The following HLA-DOB variants were observed in gnomAD, a reference collection of about 807,000 sequenced individuals.
HLA-DOB encodes the protein HLA class II histocompatibility antigen, DO beta chain.
A neutral mutation model predicts 27.7 loss-of-function variants in HLA-DOB; 25 were observed. The observed-to-expected ratio is 0.90, with a 90% CI of 0.66 to 1.26. The LOEUF (loss-of-function observed/expected upper bound fraction) is 1.26, where lower values mean the gene tolerates loss of function less well. Among genes scored for constraint, HLA-DOB ranks in the 50% most tolerant of loss-of-function variants. The pLI is 0.00. For missense variants in HLA-DOB, 306 were observed against 324.9 expected, an observed-to-expected ratio of 0.94 and a Z score of 0.45; for synonymous variants, 137 against 125.6, an observed-to-expected ratio of 1.09 and a Z score of -0.61.
At position 32,813,215 on chromosome 6, in the gene HLA-DOB, C is replaced by T. The variant is rs753244529; in HGVS notation, c.*1G>A. 1.2e-5 allele frequency: 20 copies of T among 1,612,814 alleles called. No homozygotes were observed. The highest frequency in any genetic ancestry group is 1.7e-5 in the Non-Finnish European group (20 of 1,179,922). ...CAGAGAGAGAAGCTTCAGTGAGGAC[C>T]TTAGCATGACTGAGGGAGCAGAACA... On this transcript the variant is annotated 3_prime_UTR_variant, in exon 6 of 6. Coordinates refer to ENST00000438763, the MANE Select transcript of HLA-DOB (RefSeq NM_002120.4).
chr6:32,813,726 T>C lies in HLA-DOB; in HGVS notation c.751A>G (p.Lys251Glu). The C allele has an allele frequency of 6.5e-7, 1 of 1,545,234 alleles. No individual in the cohort carries two copies. Among genetic ancestry groups the C allele is most frequent in the Non-Finnish European group, 8.8e-7 (1 of 1,139,058 alleles). ...GCACTCCTCACAGGCTCATTACCTTTCTGAGCCCTTAGCTGGATGACGATT... is the reference window on the plus strand; with the variant it reads ...GCACTCCTCACAGGCTCATTACCTTCCTGAGCCCTTAGCTGGATGACGATT... ...VGIVIQLRAQKGYVRTQMSGN... is the reference protein window; with the variant it reads ...VGIVIQLRAQEGYVRTQMSGN... Residue 251 changes from lysine to glutamate, a missense_variant, in exon 4 of 6, where the codon AAA (lysine) becomes GAA (glutamate). Lys to Glu is a moderately conservative substitution (Grantham distance 56, BLOSUM62 1). Transcript: ENST00000438763.
rs1004715638 is a variant in HLA-DOB at position 32,813,051 on chromosome 6, A to T, written c.*165T>A. 8 of 691,908 alleles carry T rather than the reference A, an allele frequency of 1.2e-5. No individual in the cohort carries two copies. Among genetic ancestry groups the T allele is most frequent in the Non-Finnish European group, 2.6e-6 (1 of 385,136 alleles). 42.9% of individuals were successfully genotyped at this position (691,908 alleles called of 1,614,324 possible). A position where few individuals can be genotyped will look rare whatever the true frequency, so the allele number is the denominator to read the frequency against. On this transcript the variant is annotated 3_prime_UTR_variant, in exon 6 of 6. Transcript: ENST00000438763. The stretch of plus-strand genomic sequence containing the variant: ...AGAAGGGCAGATGGGTGGGAGATGC[A>T]TGATCTCAGAACACAGAGCTCCAGA...
rs1394583957 is a variant in HLA-DOB, at chr6:32,813,629, T to C, written c.754+94A>G. ...TCCCGGTGATCCCTGAGAGGCACAA[T>C]CAGCTTTCCTTGCCTCAGATCATTG... On this transcript the variant is annotated intron_variant, in intron 4 of 5. Coordinates refer to ENST00000438763, the MANE Select transcript of HLA-DOB (RefSeq NM_002120.4). 3.4e-6 allele frequency: 4 copies of C among 1,175,832 alleles called. No homozygotes were observed. The Admixed American group carries it at 8.0e-5, about 23-fold the overall frequency. 72.8% of individuals were successfully genotyped at this position (1,175,832 alleles called of 1,614,324 possible). A position where few individuals can be genotyped will look rare whatever the true frequency, so the allele number is the denominator to read the frequency against.
intron 4 of HLA-DOB, 113 bp from the exon 5 acceptor site, chr6:32,813,584 C>T: frequency 7.6e-7 from 1 of 1,324,358 alleles, no homozygotes; most frequent in Non-Finnish European, 1.1e-6. Context: ...TATCCCATTT[C>T]TAGCTTCAGA....
chr6:32,816,478 C>G (rs1038304400), intron 1 of HLA-DOB, among the ~76,000 whole-genome samples: 9 of 152,160 alleles, frequency 5.9e-5, no homozygotes, highest in African/African-American at 1.4e-4. Context: ...GATTTGTTTC[C>G]GTGTCCTGAC....
chr6:32,813,614 C>T (rs1288694221), intron 4 of HLA-DOB, 109 bp downstream of exon 4: 5 of 1,176,370 alleles, frequency 4.3e-6, no homozygotes, highest in Non-Finnish European at 3.7e-6. Flanking sequence ...TCCCGGTGAT[C>T]CCTGAGAGGC....
Position 32,813,186 on chromosome 6 carries a change from G to T in HLA-DOB, c.*30C>A, listed in dbSNP as rs780158534. On this transcript the variant is annotated 3_prime_UTR_variant, in exon 6 of 6. Transcript: ENST00000438763. ...CCCAGACTACTCATCACTACTTCAG[G>T]CTCCAGAGAGAGAAGCTTCAGTGAG... The T allele has an allele frequency of 1.2e-6, 2 of 1,607,976 alleles. No individual in the cohort carries two copies. The highest frequency in any genetic ancestry group is 2.2e-5 in the South Asian group (2 of 90,990).
chr6:32,814,295 G>A, intron 3 of HLA-DOB, 25 bp downstream of exon 3: 1 of 1,609,194 alleles, frequency 6.2e-7, no homozygotes, highest in Non-Finnish European at 8.5e-7. Flanking sequence ...GTCAGGCCCA[G>A]AGAGTACTAG....
rs764720977 is a variant in HLA-DOB at position 32,815,152 on chromosome 6, C to T, written c.253G>A (p.Glu85Lys). Residue 85 changes from glutamate (E) to lysine (K), a missense_variant, in exon 2 of 6, where the codon GAG becomes AAG. Coordinates refer to ENST00000438763, the MANE Select transcript of HLA-DOB (RefSeq NM_002120.4). ...ALTKLGQPDA[E>K]QWNSRLDLLE... ...AGATCCAGCCGGCTGTTCCACTGCTCAGCATCTGGCTGCCCCAGCTTGGTC... is the reference window on the plus strand; with the variant it reads ...AGATCCAGCCGGCTGTTCCACTGCTTAGCATCTGGCTGCCCCAGCTTGGTC... 6.2e-7 allele frequency: 1 copy of T among 1,614,250 alleles called. No homozygotes were observed. Among genetic ancestry groups the T allele is most frequent in the South Asian group, 1.1e-5 (1 of 91,086 alleles).
chr6:32,816,956 G>C lies in HLA-DOB; in HGVS notation c.-5C>G, dbSNP rs1280848792. On this transcript the variant is annotated 5_prime_UTR_variant, in exon 1 of 6. Coordinates refer to ENST00000438763, the MANE Select transcript of HLA-DOB (RefSeq NM_002120.4). Reference sequence around the variant, plus strand: ...GGGGACCCACCCAGAACCCATTCTGGAGAAAGGAAAAAAATGAGATAGTAA... The same window carrying C: ...GGGGACCCACCCAGAACCCATTCTGCAGAAAGGAAAAAAATGAGATAGTAA... 6.2e-7 allele frequency: 1 copy of C among 1,609,318 alleles called. No homozygotes were observed. Among genetic ancestry groups the C allele is most frequent in the South Asian group, 1.1e-5 (1 of 90,814 alleles).
In HLA-DOB at chr6:32,814,729, A is replaced by T. The variant is rs561337301; in HGVS notation, c.362-128T>A. ...CCCAAGTGAACACAAAGTATAGGCA[A>T]GTCTCAGCCCCCAAGATCAGTAACA... On this transcript the variant is annotated intron_variant, in intron 2 of 5. Transcript: ENST00000438763. 21 of 889,130 alleles carry T rather than the reference A, an allele frequency of 2.4e-5. No individual in the cohort carries two copies. The African/African-American group carries it at 3.2e-4, about 13-fold the overall frequency. 55.1% of individuals were successfully genotyped at this position (889,130 alleles called of 1,614,324 possible).
At position 32,814,498 on chromosome 6, in the gene HLA-DOB, G is replaced by C; in HGVS notation, c.465C>G (p.Ile155Met). The change falls in exon 3 of 6, where the codon ATC becomes ATG. Residue 155 changes from isoleucine (I) to methionine (M), a missense_variant. Coordinates refer to ENST00000438763, the MANE Select transcript of HLA-DOB (RefSeq NM_002120.4). ...CCTCCTGCCCATTCAGGAACCACTTGATCTTGATATCCCCTGGATAGAAGC... is the reference window on the plus strand; with the variant it reads ...CCTCCTGCCCATTCAGGAACCACTTCATCTTGATATCCCCTGGATAGAAGC... ...VTGFYPGDIK[I>M]KWFLNGQEER... 1 of 1,613,028 alleles carries C rather than the reference G, an allele frequency of 6.2e-7. No homozygotes were observed.
At chr6:32,814,735 AG>A in intron 2 of HLA-DOB, 134 bp from the exon 3 acceptor site, 1 of 848,066 alleles carries the variant, frequency 1.2e-6, no homozygotes, top group Non-Finnish European at 1.9e-6. Context: ...GGCAAGTCTC[AG>A]CCCCCAAGAT....
chr6:32,814,547 T>G lies in HLA-DOB; in HGVS notation c.416A>C (p.Asn139Thr). ...GCCTGTCACAGAGCAGTGCAGCAGATTATGCTGGTGCAGGAGTGGGGTCCT... is the reference window on the plus strand; with the variant it reads ...GCCTGTCACAGAGCAGTGCAGCAGAGTATGCTGGTGCAGGAGTGGGGTCCT... Reference protein sequence around the residue: ...PERTPLLHQHNLLHCSVTGFY... With the variant: ...PERTPLLHQHTLLHCSVTGFY... Residue 139 changes from asparagine to threonine, a missense_variant, in exon 3 of 6, where the codon AAT becomes ACT. Physicochemically the swap from Asn to Thr is moderately conservative, Grantham distance 65. Transcript: ENST00000438763. The G allele has an allele frequency of 6.2e-7, 1 of 1,612,756 alleles. No individual in the cohort carries two copies.
At chr6:32,815,710 GAAC>G (rs1289921040) in intron 1 of HLA-DOB, among the ~76,000 whole-genome samples, 2 of 152,152 alleles carry the variant, frequency 1.3e-5, no homozygotes, top group Non-Finnish European at 2.9e-5. Context: ...ATGCACTTAA[GAAC>G]AACAACTACA....
At position 32,816,987 on chromosome 6, in the gene HLA-DOB, T is replaced by C; in HGVS notation, c.-36A>G. On this transcript the variant is annotated 5_prime_UTR_variant, in exon 1 of 6. Transcript: ENST00000438763. ...GGAAAAAAATGAGATAGTAAAATCG[T>C]CAGCCTCTTCAGAATGAGCTCATAA... 1.4e-6 allele frequency: 2 copies of C among 1,459,552 alleles called. No individual in the cohort carries two copies. The highest frequency in any genetic ancestry group is 1.9e-6 in the Non-Finnish European group (2 of 1,041,080). The allele number at this position is 1,459,552 out of a possible 1,614,324, so 90.4% of individuals were successfully genotyped here.
rs1197276495 is a variant in HLA-DOB, at chr6:32,816,975, A to G, written c.-24T>C. ...ATTCTGGAGAAAGGAAAAAAATGAG[A>G]TAGTAAAATCGTCAGCCTCTTCAGA... On this transcript the variant is annotated 5_prime_UTR_variant, in exon 1 of 6. Transcript: ENST00000438763. 1.0e-5 allele frequency: 16 copies of G among 1,558,446 alleles called. No homozygotes were observed. Among genetic ancestry groups the G allele is most frequent in the Non-Finnish European group, 1.4e-5 (16 of 1,130,678 alleles).
Position 32,813,929 on chromosome 6 carries a change from C to T in HLA-DOB, c.644-96G>A, listed in dbSNP as rs574164831. The T allele has an allele frequency of 5.1e-6, 4 of 779,982 alleles. No individual in the cohort carries two copies. The African/African-American group carries it at 7.0e-5, about 14-fold the overall frequency. 48.3% of individuals were successfully genotyped at this position (779,982 alleles called of 1,614,324 possible). A position where few individuals can be genotyped will look rare whatever the true frequency, so the allele number is the denominator to read the frequency against. ...TCTGTACTAGACACCAAATCCAATG[C>T]TAGCTAGAGAAAAATAAATAAATTT... On this transcript the variant is annotated intron_variant, in intron 3 of 5. Transcript: ENST00000438763.
Position 32,813,242 on chromosome 6 carries a change from C to T in HLA-DOB, c.796G>A (p.Ala266Thr), listed in dbSNP as rs1240640414. ...TAGCATGACTGAGGGAGCAGAACAG[C>T]TCTTGAGACCTGGAGGCACAGTGAT... ...TQMSGNEVSR[A>T]VLLPQSC Residue 266 changes from alanine (A) to threonine (T), a missense_variant, in exon 6 of 6, where the codon GCT (alanine) becomes ACT (threonine). Physicochemically the swap from Ala to Thr is moderately conservative, Grantham distance 58 (BLOSUM62 0). Coordinates refer to ENST00000438763, the MANE Select transcript of HLA-DOB (RefSeq NM_002120.4). 2 of 1,612,912 alleles carry T rather than the reference C, an allele frequency of 1.2e-6. No homozygotes were observed. The highest frequency in any genetic ancestry group is 8.5e-7 in the Non-Finnish European group (1 of 1,179,996).
Sources: gnomAD v4.1 joint callset for allele counts (sites outside exome capture counted in the v4.1 genomes callset) on GRCh38, gnomAD v4.1.1 for gene constraint, MANE v1.5 for transcripts, NCBI Gene and HGNC (gene_info 2026-07-23, HGNC 2026-07-21) for gene names.